Variants in ANO4 observed in about 807,000 individuals in gnomAD.
ANO4 encodes the protein anoctamin-4.
In ANO4, 69 loss-of-function variants were observed where a neutral mutation model predicts 141.9. The ratio of observed to expected loss-of-function variants is 0.49; its 90% CI spans 0.40 to 0.59. The LOEUF (loss-of-function observed/expected upper bound fraction) is 0.59. Among genes scored for constraint, ANO4 ranks in the 20% least tolerant of loss-of-function variants. The probability of loss-of-function intolerance (pLI) is 0.00; values close to 1 mark genes in which losing one functional copy is unlikely to be tolerated. For missense variants in ANO4, 894 were observed against 1,162.2 expected, an observed-to-expected ratio of 0.77 and a Z score of 3.36; for synonymous variants, 350 against 394.3, an observed-to-expected ratio of 0.89 and a Z score of 1.33.
chr12:101,000,984 G>A (rs1389755248), intron 8 of ANO4, among the ~76,000 whole-genome samples: 1 of 152,140 alleles, frequency 6.6e-6, no homozygotes, highest in Non-Finnish European at 1.5e-5. Context: ...CCTATTATGT[G>A]CCACATATTG....
At chr12:100,945,757 G>A (rs891033439) in intron 5 of ANO4, among the ~76,000 whole-genome samples, 13 of 152,140 alleles carry the variant, frequency 8.5e-5, no homozygotes, top group African/African-American at 2.4e-4. Flanking sequence ...AAACATTGGG[G>A]AAGACCTTTA....
intron 22 of ANO4, among the ~76,000 whole-genome samples, chr12:101,100,156 T>G (rs1019950457): frequency 1.3e-5 from 2 of 152,252 alleles, no homozygotes; most frequent in African/African-American, 4.8e-5. Flanking sequence ...TAGCTCACTA[T>G]GTACTTGGTA....
intron 1 of ANO4, among the ~76,000 whole-genome samples, chr12:100,718,063 A>C (rs1202620426): frequency 1.3e-5 from 2 of 152,244 alleles, no homozygotes; most frequent in Non-Finnish European, 2.9e-5. Flanking sequence ...CAAAAAAAGA[A>C]ATCAGTTTGG....
At chr12:100,979,658 C>T (rs993106031) in intron 7 of ANO4, among the ~76,000 whole-genome samples, 2 of 152,086 alleles carry the variant, frequency 1.3e-5, no homozygotes, top group African/African-American at 2.4e-5. Context: ...TGACCCATCA[C>T]ATGTTCTCCA....
chr12:100,728,852 G>T (rs1450161268), intron 1 of ANO4, among the ~76,000 whole-genome samples: 2 of 152,078 alleles, frequency 1.3e-5, no homozygotes, highest in Non-Finnish European at 2.9e-5. Flanking sequence ...GTAGACAAGT[G>T]AGGAAGAAAA....
chr12:100,944,474 T>C (rs913282032), intron 5 of ANO4, among the ~76,000 whole-genome samples: 2 of 152,140 alleles, frequency 1.3e-5, no homozygotes, highest in Admixed American at 1.3e-4. Flanking sequence ...TCATAAAAAC[T>C]TATCTAAGCA....
chr12:100,983,320 A>G (rs2044567614), intron 7 of ANO4, among the ~76,000 whole-genome samples: 1 of 152,278 alleles, frequency 6.6e-6, no homozygotes, highest in East Asian at 1.9e-4. Context: ...TTCATTTCCT[A>G]TTGCTGTCCT....
At chr12:100,962,541 TC>T (rs2043472329) in intron 5 of ANO4, among the ~76,000 whole-genome samples, 2 of 152,232 alleles carry the variant, frequency 1.3e-5, no homozygotes, top group African/African-American at 4.8e-5. Context: ...TCAGGATCCC[TC>T]CAAGGCCACC....
At chr12:101,094,679 A>T (rs2049910199) in intron 18 of ANO4, among the ~76,000 whole-genome samples, 2 of 152,276 alleles carry the variant, frequency 1.3e-5, no homozygotes, top group South Asian at 4.1e-4. Flanking sequence ...ACTCACAGCA[A>T]AGTTAGTTTC....
intron 2 of ANO4, among the ~76,000 whole-genome samples, chr12:100,906,181 G>T (rs2040836316): frequency 6.6e-6 from 1 of 152,148 alleles, no homozygotes; most frequent in Admixed American, 6.6e-5. Context: ...TTGAACAGCA[G>T]TGTGGTTTTG....
intron 9 of ANO4, among the ~76,000 whole-genome samples, chr12:101,020,958 A>T (rs561524543): frequency 1.3e-5 from 2 of 152,278 alleles, no homozygotes; most frequent in South Asian, 4.2e-4. Context: ...GAACAGAGAA[A>T]GTTTTATATA....
At chr12:101,027,414 A>C (rs11838074) in intron 9 of ANO4, among the ~76,000 whole-genome samples, 35,052 of 151,934 alleles carry the variant, frequency 0.23, 4,305 homozygotes, top group Non-Finnish European at 0.28. Flanking sequence ...TCCTTGGGGG[A>C]GGGGCAGCAG....
chr12:100,765,714 G>C (rs148835531), intron 3 of ANO4, among the ~76,000 whole-genome samples: 40 of 150,438 alleles, frequency 2.7e-4, no homozygotes, highest in African/African-American at 8.3e-4. Context: ...AGAGTTCTTA[G>C]ATTGATCTTT....
At chr12:101,075,076 G>T (rs563710354) in intron 14 of ANO4, among the ~76,000 whole-genome samples, 19 of 152,278 alleles carry the variant, frequency 1.2e-4, no homozygotes, top group South Asian at 4.1e-4. Context: ...GCACAACTCA[G>T]CATGGGTGCA....
At chr12:100,993,558 C>T (rs1019387234) in intron 8 of ANO4, among the ~76,000 whole-genome samples, 8 of 152,080 alleles carry the variant, frequency 5.3e-5, no homozygotes, top group Admixed American at 5.2e-4. Context: ...TACTTGTTCA[C>T]AGCACTATCT....
chr12:100,801,837 C>A (rs539620067), intron 1 of ANO4, among the ~76,000 whole-genome samples: 110 of 152,178 alleles, frequency 7.2e-4, no homozygotes, highest in African/African-American at 2.6e-3. Flanking sequence ...ACTCTAAATG[C>A]TGTTTATTAT....
chr12:100,791,948 A>C (rs2034062046), upstream of ANO4, among the ~76,000 whole-genome samples: 1 of 152,232 alleles, frequency 6.6e-6, no homozygotes, highest in African/African-American at 2.4e-5. Context: ...AGACTTTTCC[A>C]TATGCAGATT....
chr12:100,807,268 G>A (rs1338008442), intron 1 of ANO4, among the ~76,000 whole-genome samples: 1 of 152,186 alleles, frequency 6.6e-6, no homozygotes, highest in Non-Finnish European at 1.5e-5. Flanking sequence ...GGGTGACATG[G>A]AAGGGTATCA....
intron 11 of ANO4, 109 bp downstream of exon 11, chr12:101,040,185 C>CCTG: frequency 7.4e-7 from 1 of 1,359,448 alleles, no homozygotes; most frequent in Non-Finnish European, 9.7e-7. Context: ...GTGTACAGCT[C>CCTG]TCACTCATAT....
Sources: allele counts gnomAD v4.1 joint callset (sites outside exome capture counted in the v4.1 genomes callset), GRCh38; gene constraint gnomAD v4.1.1; transcripts MANE v1.5; gene names NCBI Gene and HGNC (gene_info 2026-07-23, HGNC 2026-07-21).